The following PPFIA2 variants were observed in gnomAD, a reference collection of about 807,000 sequenced individuals.
PPFIA2 encodes PPFI scaffold protein A2.
A neutral mutation model predicts 175.5 loss-of-function variants in PPFIA2; 46 were observed. That is an observed-to-expected ratio of 0.26 (90% CI 0.21 to 0.34). The LOEUF (loss-of-function observed/expected upper bound fraction) is 0.34. PPFIA2 is among the 10% of genes least tolerant of loss of function. The pLI is 1.00. For missense variants in PPFIA2, 1,179 were observed against 1,506.1 expected, an observed-to-expected ratio of 0.78 and a Z score of 3.60; for synonymous variants, 568 against 511.4, an observed-to-expected ratio of 1.11 and a Z score of -1.49.
At chr12:81,391,387 T>C (rs1256542034) in intron 8 of PPFIA2, among the ~76,000 whole-genome samples, 1 of 151,800 alleles carries the variant, frequency 6.6e-6, no homozygotes, top group African/African-American at 2.4e-5. Context: ...AATGGTAAAA[T>C]ATGAGACTTG....
chr12:81,605,203 G>A (rs1317410860), intron 4 of PPFIA2, among the ~76,000 whole-genome samples: 1 of 151,668 alleles, frequency 6.6e-6, no homozygotes, highest in Admixed American at 6.6e-5. Flanking sequence ...ATTCATTTGT[G>A]GGTAAAGCTC....
chr12:81,701,374 T>G (rs7313851), intron 3 of PPFIA2, among the ~76,000 whole-genome samples: 108,339 of 151,862 alleles, frequency 0.71, 41,726 homozygotes, highest in Non-Finnish European at 0.86. Context: ...GAGAGAGTTA[T>G]GAGGGTACCA....
intron 4 of PPFIA2, among the ~76,000 whole-genome samples, chr12:81,478,564 A>G (rs1327250944): frequency 1.3e-5 from 2 of 152,040 alleles, no homozygotes; most frequent in Non-Finnish European, 1.5e-5. Flanking sequence ...AATGCTATAA[A>G]TTTCCCTCTA....
chr12:81,361,095 A>G (rs575158519), intron 15 of PPFIA2, among the ~76,000 whole-genome samples: 1 of 151,770 alleles, frequency 6.6e-6, no homozygotes, highest in Non-Finnish European at 1.5e-5. Flanking sequence ...ATTGTTCTAT[A>G]TAGGCCAAAT....
chr12:81,284,838 C>T (rs2042908787), intron 24 of PPFIA2, among the ~76,000 whole-genome samples: 1 of 152,070 alleles, frequency 6.6e-6, no homozygotes, highest in South Asian at 2.1e-4. Flanking sequence ...ATCAGCTTTT[C>T]CCAAAAGATT....
At chr12:81,387,234 C>T (rs1290752902) in intron 8 of PPFIA2, among the ~76,000 whole-genome samples, 1 of 152,034 alleles carries the variant, frequency 6.6e-6, no homozygotes, top group Non-Finnish European at 1.5e-5. Flanking sequence ...AATTGTGCTA[C>T]CATTTTTATT....
chr12:81,501,945 G>A (rs751821913), intron 4 of PPFIA2, among the ~76,000 whole-genome samples: 4 of 152,106 alleles, frequency 2.6e-5, no homozygotes, highest in Admixed American at 1.3e-4. Flanking sequence ...GAATATATCC[G>A]AGCCCTGGCG....
chr12:81,552,197 G>A (rs536356530), intron 4 of PPFIA2, among the ~76,000 whole-genome samples: 2 of 151,520 alleles, frequency 1.3e-5, no homozygotes, highest in South Asian at 4.2e-4. Context: ...TACTTTATAA[G>A]GTTAATCAGA....
At chr12:81,587,320 C>A (rs1244171994) in intron 4 of PPFIA2, among the ~76,000 whole-genome samples, 1 of 151,858 alleles carries the variant, frequency 6.6e-6, no homozygotes, top group African/African-American at 2.4e-5. Context: ...TTTATAAATG[C>A]TTGACAGTTC....
At chr12:81,712,819 G>C (rs1380697151) in intron 3 of PPFIA2, among the ~76,000 whole-genome samples, 1 of 150,140 alleles carries the variant, frequency 6.7e-6, no homozygotes, top group Non-Finnish European at 1.5e-5. Flanking sequence ...CTTTAACTTG[G>C]ATTATGGAAC....
chr12:81,753,883 G>A (rs2084236577), intron 3 of PPFIA2, 90 bp downstream of exon 3: 1 of 1,467,554 alleles, frequency 6.8e-7, no homozygotes, highest in East Asian at 2.4e-5. Flanking sequence ...CATATGTTAA[G>A]TGGAAAAGTA....
intron 4 of PPFIA2, among the ~76,000 whole-genome samples, chr12:81,672,171 G>C (rs912494987): frequency 6.6e-6 from 1 of 151,750 alleles, no homozygotes; most frequent in African/African-American, 2.4e-5. Flanking sequence ...ACAATATAAG[G>C]TTGAAATACA....
chr12:81,328,818 CTTT>C (rs533036607), intron 21 of PPFIA2, among the ~76,000 whole-genome samples: 1 of 134,654 alleles, frequency 7.4e-6, no homozygotes, highest in Admixed American at 7.7e-5. Flanking sequence ...TTCTTTCTTT[CTTT>C]TTTTTTTTTT....
intron 4 of PPFIA2, among the ~76,000 whole-genome samples, chr12:81,672,861 C>G (rs1200552668): frequency 6.6e-6 from 1 of 151,920 alleles, no homozygotes; most frequent in Non-Finnish European, 1.5e-5. Context: ...ACGAAACATG[C>G]TCTGGAATGT....
intron 21 of PPFIA2, among the ~76,000 whole-genome samples, chr12:81,338,280 A>G (rs2057437684): frequency 6.6e-6 from 1 of 152,138 alleles, no homozygotes; most frequent in South Asian, 2.1e-4. Flanking sequence ...TAGGAGTTTA[A>G]TTCTTTCCCA....
chr12:81,579,333 T>A (rs1314357324), intron 4 of PPFIA2, among the ~76,000 whole-genome samples: 1 of 151,784 alleles, frequency 6.6e-6, no homozygotes, highest in African/African-American at 2.4e-5. Flanking sequence ...TAATTTGAAA[T>A]CAGAATTTTA....
chr12:81,537,572 T>G lies in PPFIA2; in HGVS notation c.304-79706A>C, dbSNP rs139967950. Among the ~76,000 whole-genome samples the G allele has an allele frequency of 8.9e-4, 135 of 151,990 alleles. No individual in the cohort carries two copies. In the East Asian group the frequency reaches 0.024, roughly 27 times the overall value. ...ATGTTTTGTGGACCACTTACTCATC[T>G]AACCTAATACCTGAGATGCCTCCCT... On this transcript the variant is annotated intron_variant, in intron 4 of 32. Coordinates refer to ENST00000549396, the MANE Select transcript of PPFIA2 (RefSeq NM_003625.5).
intron 3 of PPFIA2, among the ~76,000 whole-genome samples, chr12:81,698,479 T>A (rs1034602369): frequency 6.6e-6 from 1 of 152,084 alleles, no homozygotes; most frequent in East Asian, 1.9e-4. Context: ...CCTCCAGAAC[T>A]GTAAAAAATA....
At chr12:81,513,240 T>C (rs1166185426) in intron 4 of PPFIA2, among the ~76,000 whole-genome samples, 3 of 151,810 alleles carry the variant, frequency 2.0e-5, no homozygotes, top group Non-Finnish European at 4.4e-5. Context: ...ATTTAAAAAG[T>C]CAAAAAACAA....
Sources: allele counts gnomAD v4.1 joint callset (sites outside exome capture counted in the v4.1 genomes callset), GRCh38; gene constraint gnomAD v4.1.1; transcripts MANE v1.5; gene names NCBI Gene and HGNC (gene_info 2026-07-23, HGNC 2026-07-21).